CNTNAP3B: variants seen among roughly 807,000 people sequenced by gnomAD.
CNTNAP3B encodes contactin associated protein family member 3B.
In CNTNAP3B, 25 loss-of-function variants were observed where a neutral mutation model predicts 108.9. The observed-to-expected ratio is 0.23, with a 90% CI of 0.17 to 0.32. The LOEUF (loss-of-function observed/expected upper bound fraction) is 0.32. Ranked by LOEUF, CNTNAP3B falls within the 10% of genes least tolerant of loss-of-function variation. The probability of loss-of-function intolerance (pLI) is 1.00; values close to 1 mark genes in which losing one functional copy is unlikely to be tolerated. For missense variants in CNTNAP3B, 252 were observed against 1,210.4 expected (o/e 0.21, Z 11.75); for synonymous variants, 103 against 473.4 (o/e 0.22, Z 10.16).
intron 12 of CNTNAP3B, among the ~76,000 whole-genome samples, chr9:41,957,656 C>T (rs1587144101): frequency 6.6e-6 from 1 of 151,526 alleles, no homozygotes; most frequent in Non-Finnish European, 1.5e-5. Flanking sequence ...ATCTACTTTA[C>T]CCATTACAGC....
intron 3 of CNTNAP3B, among the ~76,000 whole-genome samples, chr9:42,035,872 C>T (rs190833977): frequency 2.8e-5 from 4 of 143,434 alleles, no homozygotes; most frequent in Admixed American, 2.7e-4. Flanking sequence ...GCTATGTTGC[C>T]CTGGTTGGTC....
chr9:41,915,765 C>A (rs1175467171), intron 18 of CNTNAP3B, among the ~76,000 whole-genome samples: 4 of 143,438 alleles, frequency 2.8e-5, no homozygotes, highest in African/African-American at 1.0e-4. Context: ...CCCTCTCATT[C>A]TATTAATCTT....
At chr9:41,930,723 C>A (rs938982249) in intron 14 of CNTNAP3B, among the ~76,000 whole-genome samples, 7 of 152,288 alleles carry the variant, frequency 4.6e-5, no homozygotes, top group African/African-American at 1.7e-4. Context: ...AATAAATGCA[C>A]ACGTCTGTGT....
intron 13 of CNTNAP3B, among the ~76,000 whole-genome samples, chr9:41,939,870 T>C (rs1824280916): frequency 6.6e-6 from 1 of 152,064 alleles, no homozygotes; most frequent in Non-Finnish European, 1.5e-5. Flanking sequence ...TTCCACCAAG[T>C]ATAATGATAG....
chr9:42,079,743 G>A lies in CNTNAP3B; in HGVS notation c.197-2681C>T, dbSNP rs1479755176. On this transcript the variant is annotated intron_variant, in intron 2 of 23. Coordinates refer to ENST00000377561, the MANE Select transcript of CNTNAP3B (RefSeq NM_001201380.3). ...CACCACGTTGGCCAGGATGGTCTTG[G>A]TCTCCTGACCTAGTGATTTGCCCAC... Among the ~76,000 whole-genome samples, 17 of 137,752 alleles carry A rather than the reference G, an allele frequency of 1.2e-4. 5 individuals are homozygous for A. The highest frequency in any genetic ancestry group is 4.6e-4 in the African/African-American group (16 of 34,528). 90.4% of individuals were successfully genotyped at this position (137,752 alleles called of 152,430 possible).
At chr9:41,921,866 G>C (rs1823677744) in intron 17 of CNTNAP3B, among the ~76,000 whole-genome samples, 1 of 149,412 alleles carries the variant, frequency 6.7e-6, no homozygotes, top group East Asian at 1.9e-4. Context: ...GCGCAGTGCT[G>C]CTTCCAATCA....
intron 13 of CNTNAP3B, among the ~76,000 whole-genome samples, chr9:41,947,877 A>G (rs1479120918): frequency 6.6e-6 from 1 of 152,236 alleles, no homozygotes; most frequent in Non-Finnish European, 1.5e-5. Context: ...AATAATAAGA[A>G]AATACTACAA....
intron 3 of CNTNAP3B, among the ~76,000 whole-genome samples, chr9:42,054,179 G>C (rs28715664): frequency 0.47 from 34,900 of 74,130 alleles, 13,606 homozygotes; most frequent in Non-Finnish European, 0.62. Flanking sequence ...GTGTGTGTGT[G>C]TTTGCACACA....
At chr9:41,972,675 G>A (rs1366740695) in intron 9 of CNTNAP3B, among the ~76,000 whole-genome samples, 1 of 134,902 alleles carries the variant, frequency 7.4e-6, no homozygotes, top group East Asian at 2.3e-4. Flanking sequence ...AAAGTTTGAA[G>A]ACTAAAATCT....
chr9:41,986,376 A>G (rs1825703062), intron 8 of CNTNAP3B, 65 bp from the exon 9 acceptor site: 1 of 936,568 alleles, frequency 1.1e-6, no homozygotes, highest in Non-Finnish European at 1.6e-6. Context: ...CTTGAAAACA[A>G]TTTGATTCAG....
chr9:42,093,102 T>G (rs1827835531), intron 2 of CNTNAP3B, among the ~76,000 whole-genome samples: 1 of 97,416 alleles, frequency 1.0e-5, no homozygotes, highest in South Asian at 3.2e-4. Context: ...ATCCCAGCAC[T>G]TTGGGAGGCC....
intron 3 of CNTNAP3B, among the ~76,000 whole-genome samples, chr9:42,054,089 G>T (rs1344769509): frequency 6.7e-6 from 1 of 148,206 alleles, no homozygotes; most frequent in African/African-American, 2.5e-5. Context: ...ACATCATTCT[G>T]CTTCCTTATT....
At chr9:42,056,348 T>TTAC (rs1554753504) in intron 3 of CNTNAP3B, among the ~76,000 whole-genome samples, 3 of 139,100 alleles carry the variant, frequency 2.2e-5, no homozygotes, top group Admixed American at 7.2e-5. Context: ...ATTATTATTA[T>TTAC]TATTATTATT....
At position 42,088,832 on chromosome 9, in the gene CNTNAP3B, T is replaced by C. The variant is rs1005091809; in HGVS notation, c.197-11770A>G. Among the ~76,000 whole-genome samples, 65 of 139,370 alleles carry C rather than the reference T, an allele frequency of 4.7e-4. 2 individuals carry two copies. The highest frequency in any genetic ancestry group is 1.4e-3 in the African/African-American group (50 of 35,294). The allele number at this position is 139,370 out of a possible 152,430, so 91.4% of individuals were successfully genotyped here. ...TCAGGTCCTTTGTTGCATATGTAAA[T>C]TGGCACATCTAACACCTAGGCACAT... is the stretch of plus-strand genomic sequence containing the variant. On this transcript the variant is annotated intron_variant, in intron 2 of 23. Coordinates refer to ENST00000377561, the MANE Select transcript of CNTNAP3B (RefSeq NM_001201380.3).
chr9:42,123,923 C>T (rs1828513728), intron 1 of CNTNAP3B, among the ~76,000 whole-genome samples: 1 of 122,956 alleles, frequency 8.1e-6, no homozygotes, highest in Non-Finnish European at 1.7e-5. Context: ...GCTTTAATTG[C>T]CAATGGTTCA....
At chr9:41,939,271 G>A (rs1324138215) in intron 13 of CNTNAP3B, among the ~76,000 whole-genome samples, 1 of 152,304 alleles carries the variant, frequency 6.6e-6, no homozygotes, top group Non-Finnish European at 1.5e-5. Context: ...TCACAGATTA[G>A]GCCATGAGGA....
chr9:42,029,267 C>A (rs1466747479), intron 3 of CNTNAP3B, among the ~76,000 whole-genome samples: 2 of 114,384 alleles, frequency 1.7e-5, no homozygotes, highest in Non-Finnish European at 3.7e-5. Context: ...AGTAATTAAA[C>A]AAAAAAGTTC....
chr9:42,105,911 CT>C (rs1043270705), intron 1 of CNTNAP3B, among the ~76,000 whole-genome samples: 1 of 33,606 alleles, frequency 3.0e-5, no homozygotes, highest in African/African-American at 9.3e-5. Context: ...TTTGGATACA[CT>C]TTTTTTCTTT....
rs1178612980 is a variant in CNTNAP3B at position 41,994,579 on chromosome 9, G to T, written c.1071+1626C>A. ...TTTTTCATTTTTATGATCTCAGCAGGGTGCTGTTCATAGTAAAACTTAGAC... is the reference window on the plus strand; with the variant it reads ...TTTTTCATTTTTATGATCTCAGCAGTGTGCTGTTCATAGTAAAACTTAGAC... On this transcript the variant is annotated intron_variant, in intron 7 of 23. Transcript: ENST00000377561. 7.7e-6 allele frequency: 3 copies of T among 389,658 alleles called. 1 individual carries two copies. In the African/African-American group the frequency reaches 1.3e-4, roughly 17 times the overall value. 24.1% of individuals were successfully genotyped at this position (389,658 alleles called of 1,614,324 possible).
Sources: gnomAD v4.1 joint callset for allele counts (sites outside exome capture counted in the v4.1 genomes callset) on GRCh38, gnomAD v4.1.1 for gene constraint, MANE v1.5 for transcripts, NCBI Gene and HGNC (gene_info 2026-07-23, HGNC 2026-07-21) for gene names.